The following SNX29 variants were observed in gnomAD, a reference collection of about 807,000 sequenced individuals.
The protein encoded by SNX29 is sorting nexin-29.
Under a neutral mutation model 102.1 loss-of-function variants are expected in SNX29, and 78 were observed. That is an observed-to-expected ratio of 0.76 (90% CI 0.64 to 0.92). The LOEUF is 0.92. Ranked by LOEUF, SNX29 falls within the 40% of genes least tolerant of loss-of-function variation. SNX29 has a pLI of 0.00. For synonymous variants in SNX29, 580 were observed against 414.5 expected (o/e 1.40, Z -4.85); for missense variants, 1,280 against 1,061.7 (o/e 1.21, Z -2.86).
chr16:12,223,660 A>C (rs773603043), intron 14 of SNX29, among the ~76,000 whole-genome samples: 3 of 152,130 alleles, frequency 2.0e-5, no homozygotes, highest in African/African-American at 7.2e-5. Flanking sequence ...GAAGAAAAAA[A>C]ATTCAGGTGA....
At chr16:12,120,813 G>A (rs1407759815) in intron 11 of SNX29, among the ~76,000 whole-genome samples, 2 of 152,172 alleles carry the variant, frequency 1.3e-5, no homozygotes, top group African/African-American at 4.8e-5. Flanking sequence ...TGGTAATGAT[G>A]TATGGGACCG....
chr16:12,540,315 G>T (rs1208889197), intron 20 of SNX29, among the ~76,000 whole-genome samples: 2 of 152,082 alleles, frequency 1.3e-5, no homozygotes, highest in East Asian at 1.9e-4. Context: ...CCACCCTCTT[G>T]GGACCACAGC....
intron 13 of SNX29, among the ~76,000 whole-genome samples, chr16:12,171,714 G>C (rs1002726834): frequency 9.9e-5 from 15 of 152,276 alleles, no homozygotes; most frequent in African/African-American, 3.6e-4. Context: ...CTGACCGAAA[G>C]GATAGGGAGG....
At chr16:12,391,345 C>T (rs1041106109) in intron 16 of SNX29, among the ~76,000 whole-genome samples, 2 of 152,218 alleles carry the variant, frequency 1.3e-5, no homozygotes, top group African/African-American at 2.4e-5. Context: ...GTACTCTTCT[C>T]TGATCCCTTT....
At chr16:12,274,074 A>G (rs373472608) in intron 14 of SNX29, among the ~76,000 whole-genome samples, 9 of 152,118 alleles carry the variant, frequency 5.9e-5, no homozygotes, top group Non-Finnish European at 1.0e-4. Flanking sequence ...CTTGGGATCT[A>G]TGTATTACGA....
intron 18 of SNX29, among the ~76,000 whole-genome samples, chr16:12,462,159 T>C (rs2086834736): frequency 6.6e-6 from 1 of 151,192 alleles, no homozygotes; most frequent in Non-Finnish European, 1.5e-5. Context: ...TCTCTTGCCA[T>C]AGGTCTAGTC....
chr16:12,203,882 G>T (rs1026001263), intron 14 of SNX29, among the ~76,000 whole-genome samples: 1 of 152,208 alleles, frequency 6.6e-6, no homozygotes, highest in African/African-American at 2.4e-5. Context: ...CCATCCACAT[G>T]TGGGTAGTGA....
intron 7 of SNX29, 39 bp from the exon 8 acceptor site, chr16:12,051,808 C>T: frequency 6.3e-7 from 1 of 1,588,234 alleles, no homozygotes; most frequent in Non-Finnish European, 8.5e-7. Context: ...GTCTTGCCTC[C>T]TTTTTCTTAT....
chr16:12,267,652 G>GAGC (rs1282289834), intron 14 of SNX29, among the ~76,000 whole-genome samples: 1 of 152,232 alleles, frequency 6.6e-6, no homozygotes, highest in Non-Finnish European at 1.5e-5. Context: ...TGTCCGGAAA[G>GAGC]AGCAGCGCCT....
chr16:12,563,605 C>A (rs1212381670), intron 20 of SNX29, among the ~76,000 whole-genome samples: 3 of 88,570 alleles, frequency 3.4e-5, no homozygotes, highest in Non-Finnish European at 9.3e-5. Flanking sequence ...TCTGTATCAC[C>A]ACATCTCACA....
chr16:12,563,442 G>C (rs562868263), intron 20 of SNX29, among the ~76,000 whole-genome samples: 14 of 152,336 alleles, frequency 9.2e-5, no homozygotes, highest in African/African-American at 3.4e-4. Context: ...GTCCTTTGCA[G>C]GTAAATTTAG....
chr16:12,561,805 T>G (rs1040021440), intron 20 of SNX29, among the ~76,000 whole-genome samples: 2 of 152,052 alleles, frequency 1.3e-5, no homozygotes, highest in Admixed American at 1.3e-4. Flanking sequence ...GGCAGGGGGC[T>G]CATTACCGCA....
chr16:12,397,894 A>G (rs1395832834), intron 16 of SNX29, among the ~76,000 whole-genome samples: 1 of 151,998 alleles, frequency 6.6e-6, no homozygotes, highest in East Asian at 1.9e-4. Flanking sequence ...GGTGGGGTCC[A>G]CCATGCCACA....
chr16:12,402,893 A>C (rs143742795), intron 17 of SNX29, among the ~76,000 whole-genome samples: 1 of 152,106 alleles, frequency 6.6e-6, no homozygotes, highest in Non-Finnish European at 1.5e-5. Context: ...CCCTCCTCCC[A>C]TCCTAAACAG....
At chr16:12,564,027 G>T (rs953780278) in intron 20 of SNX29, among the ~76,000 whole-genome samples, 1 of 151,322 alleles carries the variant, frequency 6.6e-6, no homozygotes, top group African/African-American at 2.4e-5. Flanking sequence ...GGGAGTTGAG[G>T]AGTTGCACCG....
intron 13 of SNX29, among the ~76,000 whole-genome samples, chr16:12,141,134 A>G (rs1806363132): frequency 6.6e-6 from 1 of 152,240 alleles, no homozygotes; most frequent in South Asian, 2.1e-4. Context: ...AGGAGTCCAG[A>G]AAAAGAGCAG....
chr16:11,988,871 A>G (rs937365275), intron 1 of SNX29, among the ~76,000 whole-genome samples: 1 of 152,218 alleles, frequency 6.6e-6, no homozygotes, highest in African/African-American at 2.4e-5. Context: ...TTCAGGCTGC[A>G]ATGGCAGAAT....
At chr16:12,551,856 C>G (rs937046509) in intron 20 of SNX29, among the ~76,000 whole-genome samples, 2 of 152,128 alleles carry the variant, frequency 1.3e-5, no homozygotes, top group African/African-American at 4.8e-5. Context: ...GACACAGGAG[C>G]AGGCAGGTGA....
At chr16:12,054,124 C>T (rs562653016) in intron 8 of SNX29, among the ~76,000 whole-genome samples, 42 of 152,230 alleles carry the variant, frequency 2.8e-4, no homozygotes, top group East Asian at 1.2e-3. Flanking sequence ...TCCGCCACCA[C>T]GCCCGGCTAA....
Sources: allele counts gnomAD v4.1 joint callset (sites outside exome capture counted in the v4.1 genomes callset), GRCh38; gene constraint gnomAD v4.1.1; transcripts MANE v1.5; gene names NCBI Gene and HGNC (gene_info 2026-07-23, HGNC 2026-07-21).